SGPP1: variants seen among roughly 807,000 people sequenced by gnomAD.
SGPP1 encodes sphingosine-1-phosphate phosphatase 1, also known as hSPP1.
In SGPP1, 21 loss-of-function variants were observed where a neutral mutation model predicts 33.0. That is an observed-to-expected ratio of 0.64 (90% confidence interval 0.45 to 0.92). SGPP1 has a LOEUF of 0.92. SGPP1 is among the 40% of genes least tolerant of loss of function. The pLI is 0.00. For missense variants in SGPP1, 543 were observed against 589.4 expected, an observed-to-expected ratio of 0.92 and a Z score of 0.81; for synonymous variants, 239 against 241.2, an observed-to-expected ratio of 0.99 and a Z score of 0.08.
chr14:63,703,092 T>A (rs1165883487), intron 1 of SGPP1, among the ~76,000 whole-genome samples: 2 of 151,868 alleles, frequency 1.3e-5, no homozygotes, highest in Non-Finnish European at 2.9e-5. Context: ...ATCCTAAAGA[T>A]AGAAAATCCC....
chr14:63,723,851 T>C (rs989316412), intron 1 of SGPP1, among the ~76,000 whole-genome samples: 27 of 152,214 alleles, frequency 1.8e-4, no homozygotes, highest in African/African-American at 6.5e-4. Flanking sequence ...TGTAGAAATC[T>C]GCATTTTTAA....
At chr14:63,722,971 C>CAA (rs780291066) in intron 1 of SGPP1, among the ~76,000 whole-genome samples, 8 of 68,970 alleles carry the variant, frequency 1.2e-4, no homozygotes, top group African/African-American at 2.6e-4. Flanking sequence ...GACCCTGTCT[C>CAA]AAAAAAAAAA....
At position 63,727,929 on chromosome 14, in the gene SGPP1, G is replaced by A. The variant is rs868082996; in HGVS notation, c.16C>T (p.Arg6Cys). Residue 6 changes from arginine to cysteine, a missense_variant, in exon 1 of 3, where the codon CGC becomes TGC. Physicochemically the swap from Arg to Cys is radical, Grantham distance 180 (BLOSUM62 -3). Transcript: ENST00000247225. ...AGACGGCCAACCAGCTGGGCCAGGC[G>A]CTGCCTCAGCGACATGATAACGGAA... MSLRQ[R>C]LAQLVGRLQD... 6.5e-7 allele frequency: 1 copy of A among 1,544,608 alleles called. No homozygotes were observed. Among genetic ancestry groups the A allele is most frequent in the East Asian group, 2.5e-5 (1 of 40,088 alleles).
chr14:63,705,120 C>CT (rs1885380903), intron 1 of SGPP1, among the ~76,000 whole-genome samples: 1 of 150,460 alleles, frequency 6.6e-6, no homozygotes, highest in Non-Finnish European at 1.5e-5. Flanking sequence ...GGGCGAGACT[C>CT]TGTCTTTAAA....
rs1380034283 is a variant in SGPP1, at chr14:63,685,838, T to C, written c.*267A>G. On this transcript the variant is annotated 3_prime_UTR_variant, in exon 3 of 3. Coordinates refer to ENST00000247225, the MANE Select transcript of SGPP1 (RefSeq NM_030791.4). ...TACCTTATATATATTATATATAAGTTGAATCCATAATACAAAACTCTCCAA... is the reference window on the plus strand; with the variant it reads ...TACCTTATATATATTATATATAAGTCGAATCCATAATACAAAACTCTCCAA... The C allele has an allele frequency of 1.1e-5, 2 of 176,954 alleles. No homozygotes were observed. Among genetic ancestry groups the C allele is most frequent in the African/African-American group, 2.4e-5 (1 of 41,946 alleles). 11.0% of individuals were successfully genotyped at this position (176,954 alleles called of 1,614,324 possible). A position where few individuals can be genotyped will look rare whatever the true frequency, so the allele number is the denominator to read the frequency against.
At chr14:63,697,938 T>C (rs2139634533) in intron 2 of SGPP1, among the ~76,000 whole-genome samples, 1 of 152,348 alleles carries the variant, frequency 6.6e-6, no homozygotes, top group Non-Finnish European at 1.5e-5. Context: ...ATTAAGATGC[T>C]ATCACAGTAA....
At chr14:63,686,758 AT>A in intron 2 of SGPP1, 102 bp from the exon 3 acceptor site, 1 of 861,112 alleles carries the variant, frequency 1.2e-6, no homozygotes, top group Non-Finnish European at 1.7e-6. Context: ...ATATACATAA[AT>A]TTTTTAAAGT....
chr14:63,690,616 T>A (rs1173904238), intron 2 of SGPP1, among the ~76,000 whole-genome samples: 3 of 152,216 alleles, frequency 2.0e-5, no homozygotes, highest in Admixed American at 6.5e-5. Context: ...TTCACATGAA[T>A]TTGTTTTGTC....
chr14:63,714,859 C>A (rs1190692060), intron 1 of SGPP1, among the ~76,000 whole-genome samples: 1 of 151,710 alleles, frequency 6.6e-6, no homozygotes, highest in Admixed American at 6.6e-5. Flanking sequence ...TCCAGAGTAG[C>A]TGGGACCACA....
intron 2 of SGPP1, among the ~76,000 whole-genome samples, chr14:63,689,200 A>C (rs949952658): frequency 6.6e-6 from 1 of 152,220 alleles, no homozygotes; most frequent in East Asian, 1.9e-4. Flanking sequence ...ATAATATTAC[A>C]AGAATTGTCA....
chr14:63,696,009 C>A (rs983447738), intron 2 of SGPP1, among the ~76,000 whole-genome samples: 1 of 152,018 alleles, frequency 6.6e-6, no homozygotes, highest in Admixed American at 6.6e-5. Flanking sequence ...CAGTATCAGC[C>A]AGGCATGGTG....
rs1288930693 is a variant in SGPP1 at position 63,685,673 on chromosome 14, A to G, written c.*432T>C. On this transcript the variant is annotated 3_prime_UTR_variant, in exon 3 of 3. Coordinates refer to ENST00000247225, the MANE Select transcript of SGPP1 (RefSeq NM_030791.4). The stretch of plus-strand genomic sequence containing the variant: ...TAAATATATCTGTTAATAACAACAT[A>G]CCTGTATGTAGTTCAAATACACAGG... The G allele has an allele frequency of 6.6e-6, 1 of 151,984 alleles. No homozygotes were observed. Among genetic ancestry groups the G allele is most frequent in the Admixed American group, 6.6e-5 (1 of 15,224 alleles). The allele number at this position is 151,984 out of a possible 1,614,324, so 9.4% of individuals were successfully genotyped here. A position where few individuals can be genotyped will look rare whatever the true frequency, so the allele number is the denominator to read the frequency against.
At chr14:63,712,146 T>C (rs757351240) in intron 1 of SGPP1, among the ~76,000 whole-genome samples, 2 of 152,118 alleles carry the variant, frequency 1.3e-5, no homozygotes, top group Non-Finnish European at 2.9e-5. Flanking sequence ...TGGTCCCAAC[T>C]ATTTTCAAAT....
chr14:63,697,664 A>G (rs1003799746), intron 2 of SGPP1, among the ~76,000 whole-genome samples: 2 of 152,208 alleles, frequency 1.3e-5, no homozygotes. Context: ...GTCTTGAGAA[A>G]GAGAAGATGG....
chr14:63,714,818 C>A (rs1885587330), intron 1 of SGPP1, among the ~76,000 whole-genome samples: 1 of 151,776 alleles, frequency 6.6e-6, no homozygotes, highest in Non-Finnish European at 1.5e-5. Context: ...CAGCTCACTG[C>A]AGCCTCAGGT....
chr14:63,714,744 ATTT>A (rs368742605), intron 1 of SGPP1, among the ~76,000 whole-genome samples: 4 of 142,966 alleles, frequency 2.8e-5, no homozygotes, highest in African/African-American at 5.1e-5. Flanking sequence ...ATTTTTATTT[ATTT>A]TTTTTTTTTT....
At chr14:63,719,467 T>C (rs1420316196) in intron 1 of SGPP1, among the ~76,000 whole-genome samples, 2 of 152,076 alleles carry the variant, frequency 1.3e-5, no homozygotes, top group African/African-American at 2.4e-5. Context: ...AATTTTACGT[T>C]ATCTGTTAAA....
At chr14:63,709,004 C>T (rs1011584323) in intron 1 of SGPP1, among the ~76,000 whole-genome samples, 2 of 152,100 alleles carry the variant, frequency 1.3e-5, no homozygotes, top group Non-Finnish European at 2.9e-5. Context: ...GAATATCACT[C>T]AAATATATTT....
At chr14:63,701,318 C>G (rs554176482) in intron 1 of SGPP1, among the ~76,000 whole-genome samples, 3 of 152,102 alleles carry the variant, frequency 2.0e-5, no homozygotes, top group Admixed American at 6.6e-5. Context: ...TAAGTCATTG[C>G]AATTTTGGGA....
Sources: allele counts gnomAD v4.1 joint callset (sites outside exome capture counted in the v4.1 genomes callset), GRCh38; gene constraint gnomAD v4.1.1; transcripts MANE v1.5; gene names NCBI Gene and HGNC (gene_info 2026-07-23, HGNC 2026-07-21).